Variants in MECOM observed in about 807,000 individuals in gnomAD.
MECOM encodes the protein MDS1 and EVI1 complex locus.
MECOM carries 13 observed loss-of-function variants against 116.3 expected under a neutral mutation model. The observed-to-expected ratio is 0.11, with a 90% confidence interval of 0.07 to 0.18. The LOEUF (loss-of-function observed/expected upper bound fraction) is 0.18. MECOM is among the 10% of genes least tolerant of loss of function. The pLI is 1.00. For missense variants in MECOM, 1,299 were observed against 1,509.0 expected, an observed-to-expected ratio of 0.86 and a Z score of 2.31; for synonymous variants, 528 against 535.2, an observed-to-expected ratio of 0.99 and a Z score of 0.19.
chr3:169,638,064 GA>G (rs1262710571), intron 1 of MECOM, among the ~76,000 whole-genome samples: 1 of 152,180 alleles, frequency 6.6e-6, no homozygotes, highest in Non-Finnish European at 1.5e-5. Context: ...CCTGAAGGAT[GA>G]AAAAAGTTCC....
Position 169,379,656 on chromosome 3 carries a change from T to C in MECOM, c.375+1531A>G, listed in dbSNP as rs1157562969. 9.2e-5 allele frequency among the ~76,000 whole-genome samples: 14 copies of C among 152,274 alleles called. No homozygotes were observed. The South Asian group carries it at 2.3e-3, about 25-fold the overall frequency. ...AGTCCTGCATTTACCAAGCCTGTAA[T>C]TGAAAAGTGATTTCATTATTAAGCT... On this transcript the variant is annotated intron_variant, in intron 2 of 16. Transcript: ENST00000651503.
rs1728839560 is a variant in MECOM at position 169,115,418 on chromosome 3, T to C, written c.2454A>G (p.Ala818=). ...RPASDGSLQH[A]RPTPFFMDPI... is the part of the protein sequence containing the mutation. ...GGTCCATAAAGAAAGGAGTGGGTCT[T>C]GCATGCTGCAAGGAACCATCTGAAG... The change falls in exon 8 of 17, where the codon GCA becomes GCG. Residue 818 remains alanine (A), a synonymous_variant. Transcript: ENST00000651503. 2 of 1,614,200 alleles carry C rather than the reference T, an allele frequency of 1.2e-6. No homozygotes were observed. The highest frequency in any genetic ancestry group is 8.5e-7 in the Non-Finnish European group (1 of 1,180,016).
chr3:169,323,471 T>C (rs1460482803), intron 2 of MECOM, among the ~76,000 whole-genome samples: 3 of 152,164 alleles, frequency 2.0e-5, no homozygotes, highest in African/African-American at 7.2e-5. Flanking sequence ...GGCCTATGAA[T>C]TAGAGAAGAG....
intron 1 of MECOM, among the ~76,000 whole-genome samples, chr3:169,549,972 C>T (rs894920404): frequency 2.0e-5 from 3 of 151,980 alleles, no homozygotes; most frequent in Non-Finnish European, 2.9e-5. Context: ...ACCATTCTGG[C>T]GCAACCTCTA....
chr3:169,373,995 C>A (rs1049329568), intron 2 of MECOM, among the ~76,000 whole-genome samples: 3 of 151,902 alleles, frequency 2.0e-5, no homozygotes, highest in Non-Finnish European at 4.4e-5. Flanking sequence ...GAAGCCCTAA[C>A]CCCCATTAGG....
intron 2 of MECOM, among the ~76,000 whole-genome samples, chr3:169,301,815 TAG>T (rs2149713738): frequency 6.6e-6 from 1 of 152,298 alleles, no homozygotes; most frequent in Non-Finnish European, 1.5e-5. Flanking sequence ...CCTTCATTTA[TAG>T]CCTATTCTGT....
In MECOM at chr3:169,624,972, C is replaced by A. The variant is rs528388467; in HGVS notation, c.37+38364G>T. Among the ~76,000 whole-genome samples, 10 of 151,674 alleles carry A rather than the reference C, an allele frequency of 6.6e-5. No individual in the cohort carries two copies. In the East Asian group the frequency reaches 1.9e-3, roughly 29 times the overall value. On this transcript the variant is annotated intron_variant, in intron 1 of 16. Coordinates refer to ENST00000651503, the MANE Select transcript of MECOM (RefSeq NM_004991.4). The stretch of plus-strand genomic sequence containing the variant: ...TTCTCATCAAGATTGAAATCTCTGG[C>A]CATCCCCAAAGCTCCCAACCCTTCT...
intron 2 of MECOM, among the ~76,000 whole-genome samples, chr3:169,356,717 G>A (rs984541547): frequency 2.6e-5 from 4 of 151,868 alleles, no homozygotes; most frequent in Non-Finnish European, 5.9e-5. Context: ...GACGTCCCAG[G>A]CTTTTTGTTG....
intron 1 of MECOM, among the ~76,000 whole-genome samples, chr3:169,575,328 T>C (rs997598173): frequency 6.6e-6 from 1 of 152,202 alleles, no homozygotes; most frequent in African/African-American, 2.4e-5. Context: ...GCCATCTGTC[T>C]TTCCAGCAGG....
chr3:169,193,779 T>C (rs1008970745), intron 2 of MECOM, among the ~76,000 whole-genome samples: 33 of 152,040 alleles, frequency 2.2e-4, no homozygotes, highest in African/African-American at 7.5e-4. Flanking sequence ...AAAGTCATTG[T>C]TACAATTTAA....
At chr3:169,103,331 A>G (rs1724233889) in intron 10 of MECOM, among the ~76,000 whole-genome samples, 1 of 151,920 alleles carries the variant, frequency 6.6e-6, no homozygotes, top group Non-Finnish European at 1.5e-5. Context: ...CCCTCTCAAC[A>G]TGTTGTGTTT....
chr3:169,450,771 C>T (rs1336525579), intron 1 of MECOM, among the ~76,000 whole-genome samples: 2 of 152,052 alleles, frequency 1.3e-5, no homozygotes, highest in African/African-American at 4.8e-5. Flanking sequence ...ACTGAGTTTA[C>T]CTTAAAAAAG....
intron 2 of MECOM, among the ~76,000 whole-genome samples, chr3:169,355,133 A>G (rs1359296111): frequency 1.3e-5 from 2 of 152,036 alleles, no homozygotes; most frequent in Non-Finnish European, 2.9e-5. Context: ...CTGAGCAGAC[A>G]GATGAAATTT....
Position 169,184,316 on chromosome 3 carries a change from G to A in MECOM, c.376-40484C>T, listed in dbSNP as rs958085009. Among the ~76,000 whole-genome samples, 4 of 152,074 alleles carry A rather than the reference G, an allele frequency of 2.6e-5. No homozygotes were observed. The South Asian group carries it at 6.2e-4, about 24-fold the overall frequency. On this transcript the variant is annotated intron_variant, in intron 2 of 16. Coordinates refer to ENST00000651503, the MANE Select transcript of MECOM (RefSeq NM_004991.4). ...ATAAACGTGACCATGGACTTCAAAGGGAGAAAATGAACATAAACAAAGACA... is the reference window on the plus strand; with the variant it reads ...ATAAACGTGACCATGGACTTCAAAGAGAGAAAATGAACATAAACAAAGACA...
chr3:169,411,959 C>A (rs984645339), intron 1 of MECOM, among the ~76,000 whole-genome samples: 4 of 152,008 alleles, frequency 2.6e-5, no homozygotes, highest in African/African-American at 9.7e-5. Flanking sequence ...CCACTGCACT[C>A]CAGCCTGTGC....
chr3:169,163,101 C>T (rs943843995), intron 2 of MECOM, among the ~76,000 whole-genome samples: 1 of 152,112 alleles, frequency 6.6e-6, no homozygotes, highest in East Asian at 1.9e-4. Context: ...ATATACTATT[C>T]AGTGCAGTTT....
intron 1 of MECOM, among the ~76,000 whole-genome samples, chr3:169,472,274 T>TAA (rs557333184): frequency 2.9e-5 from 4 of 139,802 alleles, no homozygotes; most frequent in African/African-American, 7.9e-5. Flanking sequence ...TAATATTGTG[T>TAA]AAAAAAAAAA....
chr3:169,590,368 C>T (rs1252549225), intron 1 of MECOM, among the ~76,000 whole-genome samples: 1 of 152,118 alleles, frequency 6.6e-6, no homozygotes, highest in African/African-American at 2.4e-5. Context: ...GGGTTATTTG[C>T]TCTACCTTAG....
intron 1 of MECOM, among the ~76,000 whole-genome samples, chr3:169,492,921 C>T (rs753323989): frequency 7.9e-5 from 12 of 152,140 alleles, no homozygotes; most frequent in South Asian, 4.1e-4. Flanking sequence ...GATCACACCA[C>T]GGCACTCCAG....
Sources: gnomAD v4.1 joint callset for allele counts (sites outside exome capture counted in the v4.1 genomes callset) on GRCh38, gnomAD v4.1.1 for gene constraint, MANE v1.5 for transcripts, NCBI Gene and HGNC (gene_info 2026-07-23, HGNC 2026-07-21) for gene names.